The following WWP2 variants were observed in gnomAD, a reference collection of about 807,000 sequenced individuals.
The protein encoded by WWP2 is NEDD4-like E3 ubiquitin-protein ligase WWP2.
A neutral mutation model predicts 121.0 loss-of-function variants in WWP2; 57 were observed. The ratio of observed to expected loss-of-function variants is 0.47; its 90% CI spans 0.38 to 0.59. WWP2 has a LOEUF of 0.59. WWP2 is among the 20% of genes least tolerant of loss of function. The pLI is 0.00. For synonymous variants in WWP2, 449 were observed against 441.3 expected, an observed-to-expected ratio of 1.02 and a Z score of -0.22; for missense variants, 962 against 1,158.9, an observed-to-expected ratio of 0.83 and a Z score of 2.47.
Position 69,935,936 on chromosome 16 carries a change from A to T in WWP2, c.1926A>T (p.Lys642Asn). ...KRMLNKRPTL[K>N]DLESIDPEFY... Reference sequence around the variant, plus strand: ...TGCTCAATAAGAGACCAACCCTGAAAGACCTGGAGTCCATTGACCCTGAGT... The same window carrying T: ...TGCTCAATAAGAGACCAACCCTGAATGACCTGGAGTCCATTGACCCTGAGT... Residue 642 changes from lysine to asparagine, a missense_variant, in exon 18 of 24, where the codon AAA becomes AAT. Around this residue, in one of 3 missense-constraint regions of WWP2, gnomAD observed 606 missense variants for 772.6 expected, o/e 0.78. Coordinates refer to ENST00000359154, the MANE Select transcript of WWP2 (RefSeq NM_001270454.2). This position sits in a 1 kb window ranked among gnomAD's most constrained non-coding sequence, Gnocchi z 5.2. The T allele has an allele frequency of 6.2e-7, 1 of 1,614,060 alleles. No homozygotes were observed. Among genetic ancestry groups the T allele is most frequent in the Non-Finnish European group, 8.5e-7 (1 of 1,180,012 alleles).
intron 6 of WWP2, among the ~76,000 whole-genome samples, chr16:69,860,459 T>A (rs1011541860): frequency 1.3e-5 from 2 of 152,126 alleles, no homozygotes; most frequent in Non-Finnish European, 2.9e-5. Context: ...TAGGATGTTA[T>A]GAGAGAATGA....
chr16:69,783,320 A>G (rs1036378181), intron 1 of WWP2, among the ~76,000 whole-genome samples: 1 of 152,068 alleles, frequency 6.6e-6, no homozygotes, highest in Non-Finnish European at 1.5e-5. Context: ...AAGGGCTTTC[A>G]TTCTTAGAGT....
chr16:69,813,461 C>CT (rs145646183), intron 4 of WWP2, among the ~76,000 whole-genome samples: 23 of 151,518 alleles, frequency 1.5e-4, no homozygotes, highest in African/African-American at 2.2e-4. Context: ...TGCGCCCAGC[C>CT]TTTTTTTTGT....
intron 4 of WWP2, among the ~76,000 whole-genome samples, chr16:69,839,559 A>C (rs2056937796): frequency 6.6e-6 from 1 of 152,144 alleles, no homozygotes; most frequent in Non-Finnish European, 1.5e-5. Context: ...TAAGTCACTG[A>C]TGGGGCTGAT....
At position 69,931,907 on chromosome 16, in the gene WWP2, C is replaced by T. The variant is rs370778284; in HGVS notation, c.1682+17C>T. 6.5e-5 allele frequency: 105 copies of T among 1,608,218 alleles called. No individual in the cohort carries two copies. Among genetic ancestry groups the T allele is most frequent in the African/African-American group, 1.6e-4 (12 of 74,874 alleles). On this transcript the variant is annotated intron_variant, in intron 16 of 23. Transcript: ENST00000359154. ...CATCGCCAGGTGAGCTTGAGTGCCC[C>T]GGAAGGCTGCCCTGTACCCCGCTTC...
intron 18 of WWP2, 41 bp from the exon 19 acceptor site, chr16:69,936,271 A>G (rs767952836): frequency 6.2e-7 from 1 of 1,613,102 alleles, no homozygotes; most frequent in Non-Finnish European, 8.5e-7. Context: ...AAAGACCCTG[A>G]CACGGTAGAC....
At chr16:69,833,186 A>G (rs1052987262) in intron 4 of WWP2, among the ~76,000 whole-genome samples, 30 of 152,260 alleles carry the variant, frequency 2.0e-4, no homozygotes, top group Admixed American at 9.2e-4. Context: ...TGTCTGAGTC[A>G]GGAACCAAAC....
intron 4 of WWP2, among the ~76,000 whole-genome samples, chr16:69,824,316 G>A (rs1203040548): frequency 6.6e-6 from 1 of 152,086 alleles, no homozygotes; most frequent in Non-Finnish European, 1.5e-5. Context: ...TGGGAGAGTG[G>A]TCCGTCAAAA....
intron 1 of WWP2, chr16:69,783,059 G>A (rs1166601807): frequency 7.0e-6 from 1 of 143,264 alleles, no homozygotes; most frequent in Non-Finnish European, 1.5e-5. Flanking sequence ...CCCCCAGGCT[G>A]GGGTGCAGCG....
intron 4 of WWP2, among the ~76,000 whole-genome samples, chr16:69,801,300 C>T (rs900701826): frequency 6.7e-6 from 1 of 148,654 alleles, no homozygotes; most frequent in South Asian, 2.2e-4. Context: ...GGTGCAATCT[C>T]GGCTCACCGT....
intron 4 of WWP2, among the ~76,000 whole-genome samples, chr16:69,825,148 G>A (rs1331531609): frequency 1.1e-5 from 1 of 88,228 alleles, no homozygotes; most frequent in Non-Finnish European, 3.1e-5. Context: ...ATACTGGCTG[G>A]GTGCAGTGGC....
intron 4 of WWP2, among the ~76,000 whole-genome samples, chr16:69,812,604 A>G (rs1158808216): frequency 6.6e-6 from 1 of 150,422 alleles, no homozygotes; most frequent in South Asian, 2.1e-4. Flanking sequence ...TCAGCCTCTT[A>G]GTTGAGACCA....
chr16:69,937,046 ACGCG>A lies in WWP2; in HGVS notation c.2118-71_2118-68del. ...CTGGTGGTCCTGCGCGGTAACGGCC[ACGCG>A]GCCTGGCCGGGAGCCACCCCTGAGC... On this transcript the variant is annotated intron_variant, in intron 19 of 23. Transcript: ENST00000359154. This position sits in a 1 kb window ranked among gnomAD's most constrained non-coding sequence, Gnocchi z 6.6. The A allele has an allele frequency of 6.4e-7, 1 of 1,568,750 alleles. No individual in the cohort carries two copies. The highest frequency in any genetic ancestry group is 8.7e-7 in the Non-Finnish European group (1 of 1,155,190).
chr16:69,874,018 G>A (rs903484219), intron 7 of WWP2, among the ~76,000 whole-genome samples: 7 of 152,006 alleles, frequency 4.6e-5, no homozygotes, highest in East Asian at 1.9e-4. Flanking sequence ...AAAGCCAGGC[G>A]TCTCTAACCT....
rs548929126 is a variant in WWP2 at position 69,887,251 on chromosome 16, A to C, written c.704-788A>C. On this transcript the variant is annotated intron_variant, in intron 7 of 23. Transcript: ENST00000359154. ...TCCTACTTTGAGCATGAGCCTTTACAAGAATGAGCACATTACTGGAAGTTT... is the reference window on the plus strand; with the variant it reads ...TCCTACTTTGAGCATGAGCCTTTACCAGAATGAGCACATTACTGGAAGTTT... Among the ~76,000 whole-genome samples the C allele has an allele frequency of 2.0e-5, 3 of 152,354 alleles. No individual in the cohort carries two copies. The South Asian group carries it at 6.2e-4, about 32-fold the overall frequency.
intron 6 of WWP2, among the ~76,000 whole-genome samples, chr16:69,867,948 T>C (rs1490172423): frequency 2.0e-5 from 3 of 152,190 alleles, no homozygotes; most frequent in Admixed American, 1.3e-4. Flanking sequence ...TGGCCCACGA[T>C]GTGTGGTTTC....
intron 21 of WWP2, among the ~76,000 whole-genome samples, chr16:69,938,410 G>A (rs2058832016): frequency 6.6e-6 from 1 of 152,178 alleles, no homozygotes; most frequent in African/African-American, 2.4e-5. Flanking sequence ...TTGAGGTCAG[G>A]AGTTCAAGAC....
At chr16:69,934,184 T>A in intron 17 of WWP2, 55 bp downstream of exon 17, 1 of 1,594,452 alleles carries the variant, frequency 6.3e-7, no homozygotes, top group Non-Finnish European at 8.6e-7. Context: ...TCCTCTTCCC[T>A]CTCCTGGTGA....
At position 69,922,093 on chromosome 16, in the gene WWP2, A is replaced by G. The variant is rs929733464; in HGVS notation, c.1180-3337A>G. Among the ~76,000 whole-genome samples the G allele has an allele frequency of 7.2e-4, 110 of 151,870 alleles. 1 individual carries two copies. Among genetic ancestry groups the G allele is most frequent in the African/African-American group, 2.4e-3 (101 of 41,426 alleles). ...ACTCCATCTCAAAAAAAAAAAAAAAAAGGTAAAAGAAACAGATTATTTTGT... is the reference window on the plus strand; with the variant it reads ...ACTCCATCTCAAAAAAAAAAAAAAAGAGGTAAAAGAAACAGATTATTTTGT... On this transcript the variant is annotated intron_variant, in intron 10 of 23. Transcript: ENST00000359154.
Sources: gnomAD v4.1 joint callset for allele counts (sites outside exome capture counted in the v4.1 genomes callset) on GRCh38, gnomAD v4.1.1 for gene constraint, gnomAD v4.1.1 regional missense constraint, Gnocchi (gnomAD v3.1) non-coding constraint, MANE v1.5 for transcripts, NCBI Gene and HGNC (gene_info 2026-07-23, HGNC 2026-07-21) for gene names.